CAPZB: variants seen among roughly 807,000 people sequenced by gnomAD.
CAPZB encodes capping actin protein of muscle Z-line subunit beta.
CAPZB carries 2 observed loss-of-function variants against 38.1 expected under a neutral mutation model. The observed-to-expected ratio is 0.05, with a 90% confidence interval of 0.02 to 0.17. The LOEUF (loss-of-function observed/expected upper bound fraction) is 0.17, where lower values mean the gene tolerates loss of function less well. Ranked by LOEUF, CAPZB falls within the 10% of genes least tolerant of loss-of-function variation. The probability of loss-of-function intolerance (pLI) is 1.00; values close to 1 mark genes in which losing one functional copy is unlikely to be tolerated. For synonymous variants in CAPZB, 107 were observed against 127.4 expected, an observed-to-expected ratio of 0.84 and a Z score of 1.08; for missense variants, 161 against 334.2, an observed-to-expected ratio of 0.48 and a Z score of 4.04.
chr1:19,401,844 C>G (rs540859118), intron 2 of CAPZB, among the ~76,000 whole-genome samples: 1 of 152,282 alleles, frequency 6.6e-6, no homozygotes, highest in South Asian at 2.1e-4. Flanking sequence ...CCCTGCTCCA[C>G]CCAGAGGGGA....
intron 1 of CAPZB, among the ~76,000 whole-genome samples, chr1:19,429,376 G>A (rs896752800): frequency 6.6e-6 from 1 of 152,044 alleles, no homozygotes; most frequent in Non-Finnish European, 1.5e-5. Context: ...TAAGTACCTT[G>A]ACACTATATG....
intron 1 of CAPZB, among the ~76,000 whole-genome samples, chr1:19,443,321 G>A (rs557004187): frequency 6.6e-6 from 1 of 152,270 alleles, no homozygotes; most frequent in East Asian, 1.9e-4. Flanking sequence ...ACCTGAGCCT[G>A]GGAGGTCAAA....
At chr1:19,485,318 A>G in intron 1 of CAPZB, 118 bp downstream of exon 1, 1 of 675,428 alleles carries the variant, frequency 1.5e-6, no homozygotes, top group African/African-American at 1.9e-5. Context: ...AGGGTCCGGG[A>G]CCCCGCCCCT....
intron 6 of CAPZB, among the ~76,000 whole-genome samples, chr1:19,354,316 G>A (rs1254189967): frequency 1.3e-5 from 2 of 152,142 alleles, no homozygotes; most frequent in Admixed American, 6.5e-5. Flanking sequence ...ACAAGCACAG[G>A]CGTTTTTCCA....
chr1:19,367,731 T>G (rs3790769), intron 4 of CAPZB, among the ~76,000 whole-genome samples: 1 of 152,234 alleles, frequency 6.6e-6, no homozygotes, highest in African/African-American at 2.4e-5. Context: ...GCGACTTTAA[T>G]GCCAGCTGCA....
chr1:19,484,724 G>C (rs2094644718), intron 1 of CAPZB: 9 of 1,058,568 alleles, frequency 8.5e-6, no homozygotes, highest in Non-Finnish European at 1.0e-5. Context: ...GCTCAGGGCG[G>C]GGACCGAGCG....
intron 6 of CAPZB, among the ~76,000 whole-genome samples, chr1:19,354,274 A>C (rs2094008066): frequency 6.6e-6 from 1 of 152,180 alleles, no homozygotes; most frequent in Non-Finnish European, 1.5e-5. Flanking sequence ...TGAGCTGCTC[A>C]CTTCTCCCAG....
chr1:19,483,220 T>TC (rs1348204535), intron 1 of CAPZB, among the ~76,000 whole-genome samples: 4 of 152,138 alleles, frequency 2.6e-5, no homozygotes, highest in East Asian at 1.9e-4. Flanking sequence ...ATACTGCTCC[T>TC]CCCCCCTTGC....
At chr1:19,467,060 T>TTATG (rs2094571459) in intron 1 of CAPZB, among the ~76,000 whole-genome samples, 1 of 151,422 alleles carries the variant, frequency 6.6e-6, no homozygotes, top group Non-Finnish European at 1.5e-5. Flanking sequence ...CACCCAGCTT[T>TTATG]TATTTATTTA....
intron 1 of CAPZB, among the ~76,000 whole-genome samples, chr1:19,431,060 C>A (rs59965150): frequency 8.5e-5 from 13 of 152,230 alleles, no homozygotes; most frequent in Admixed American, 8.5e-4. Flanking sequence ...ACCATATAAA[C>A]GGTGGAAAAT....
At chr1:19,473,899 T>C (rs550189418) in intron 1 of CAPZB, among the ~76,000 whole-genome samples, 1 of 152,154 alleles carries the variant, frequency 6.6e-6, no homozygotes, top group South Asian at 2.1e-4. Context: ...CCCAATCCAA[T>C]GGTGTTAATA....
At position 19,476,197 on chromosome 1, in the gene CAPZB, T is replaced by C. The variant is rs1266868185; in HGVS notation, c.3+9239A>G. Among the ~76,000 whole-genome samples the C allele has an allele frequency of 2.2e-5, 3 of 137,426 alleles. No homozygotes were observed. In the East Asian group the frequency reaches 5.9e-4, roughly 27 times the overall value. The allele number at this position is 137,426 out of a possible 152,430, so 90.2% of individuals were successfully genotyped here. On this transcript the variant is annotated intron_variant, in intron 1 of 8. Coordinates refer to ENST00000264202, the MANE Select transcript of CAPZB (RefSeq NM_004930.5). ...ATAGATAGATAGATAGATAGATAGA[T>C]AGATAGATAGATAGATAGATAGATA...
intron 1 of CAPZB, among the ~76,000 whole-genome samples, chr1:19,455,596 G>C (rs2094530611): frequency 6.6e-6 from 1 of 152,152 alleles, no homozygotes; most frequent in Non-Finnish European, 1.5e-5. Context: ...GCCGCATCTT[G>C]GGTCTCTTGA....
intron 1 of CAPZB, among the ~76,000 whole-genome samples, chr1:19,420,609 G>A (rs12027702): frequency 6.7e-6 from 1 of 150,078 alleles, no homozygotes; most frequent in African/African-American, 2.5e-5. Context: ...TGGGGGGGAG[G>A]GGGGGAACAT....
At chr1:19,380,610 G>A (rs1269205255) in intron 3 of CAPZB, among the ~76,000 whole-genome samples, 4 of 152,206 alleles carry the variant, frequency 2.6e-5, no homozygotes, top group African/African-American at 7.2e-5. Flanking sequence ...TTCCTGAGAC[G>A]ATGGAGATGT....
At chr1:19,432,762 GT>G (rs2094446593) in intron 1 of CAPZB, among the ~76,000 whole-genome samples, 1 of 152,172 alleles carries the variant, frequency 6.6e-6, no homozygotes, top group South Asian at 2.1e-4. Context: ...CATAACACAG[GT>G]CCCCTCCCAT....
chr1:19,465,442 G>A (rs1435907507), intron 1 of CAPZB, among the ~76,000 whole-genome samples: 1 of 152,172 alleles, frequency 6.6e-6, no homozygotes, highest in Non-Finnish European at 1.5e-5. Flanking sequence ...TTTCTGTTGT[G>A]TACAAATTAT....
At chr1:19,442,427 G>T (rs980800102) in intron 1 of CAPZB, among the ~76,000 whole-genome samples, 1 of 152,092 alleles carries the variant, frequency 6.6e-6, no homozygotes, top group African/African-American at 2.4e-5. Flanking sequence ...AGATAATTGG[G>T]GGCTCATTAT....
At chr1:19,458,440 C>T (rs576106867) in intron 1 of CAPZB, among the ~76,000 whole-genome samples, 101 of 152,312 alleles carry the variant, frequency 6.6e-4, no homozygotes, top group African/African-American at 2.4e-3. Context: ...TGCAACCCTC[C>T]ACCTCCCGGG....
Sources: gnomAD v4.1 joint callset for allele counts (sites outside exome capture counted in the v4.1 genomes callset) on GRCh38, gnomAD v4.1.1 for gene constraint, MANE v1.5 for transcripts, NCBI Gene and HGNC (gene_info 2026-07-23, HGNC 2026-07-21) for gene names.